The following SP100 variants were observed in gnomAD, a reference collection of about 807,000 sequenced individuals.
SP100 encodes nuclear autoantigen Sp-100.
A neutral mutation model predicts 130.0 loss-of-function variants in SP100; 84 were observed. That is an observed-to-expected ratio of 0.65 (90% confidence interval 0.54 to 0.77). SP100 has a LOEUF of 0.77. SP100 is among the 30% of genes least tolerant of loss of function. SP100 has a pLI of 0.00. For synonymous variants in SP100, 331 were observed against 351.7 expected (o/e 0.94, Z 0.66); for missense variants, 978 against 1,052.2 (o/e 0.93, Z 0.97).
intron 8 of SP100, 56 bp downstream of exon 8, chr2:230,450,311 T>TTTGGTTGG (rs878983393): frequency 7.3e-7 from 1 of 1,370,670 alleles, no homozygotes; most frequent in Non-Finnish European, 1.0e-6. Flanking sequence ...ATGCTATACA[T>TTTGGTTGG]TTGGTTGGTT....
chr2:230,476,378 C>T (rs1038700150), intron 17 of SP100, among the ~76,000 whole-genome samples: 11 of 152,160 alleles, frequency 7.2e-5, no homozygotes, highest in African/African-American at 2.2e-4. Flanking sequence ...GATTTTTATG[C>T]ATCGATTTTG....
At position 230,469,789 on chromosome 2, in the gene SP100, AAAAGAAG is replaced by A. The variant is rs767498056; in HGVS notation, c.1346-223_1346-217del. ...ATATTTTTCCCAAAGTTAAAAAAAAAAAAGAAGAAGAAACAATGTCATCCCCAGCCCC... is the reference window on the plus strand; with the variant it reads ...ATATTTTTCCCAAAGTTAAAAAAAAAAAGAAACAATGTCATCCCCAGCCCC... On this transcript the variant is annotated intron_variant, in intron 14 of 28. Coordinates refer to ENST00000340126, the MANE Select transcript of SP100 (RefSeq NM_001080391.2). The A allele has an allele frequency of 2.0e-5, 28 of 1,376,808 alleles. No individual in the cohort carries two copies. In the South Asian group the frequency reaches 3.5e-4, roughly 17 times the overall value. 85.3% of individuals were successfully genotyped at this position (1,376,808 alleles called of 1,614,324 possible).
At chr2:230,522,027 TGATG>T (rs1438528318) in intron 24 of SP100, among the ~76,000 whole-genome samples, 1 of 152,214 alleles carries the variant, frequency 6.6e-6, no homozygotes, top group African/African-American at 2.4e-5. Flanking sequence ...TGGACTTTCT[TGATG>T]GATTGTTTGT....
intron 2 of SP100, among the ~76,000 whole-genome samples, chr2:230,421,945 A>C (rs997314721): frequency 6.6e-6 from 1 of 151,838 alleles, no homozygotes. Flanking sequence ...CTTCTGCTTT[A>C]TCTCTCTCTT....
At chr2:230,527,738 G>A (rs1196859112) in intron 24 of SP100, among the ~76,000 whole-genome samples, 2 of 152,096 alleles carry the variant, frequency 1.3e-5, no homozygotes, top group Non-Finnish European at 2.9e-5. Context: ...GATCTACGAA[G>A]CAAATGGAAA....
intron 2 of SP100, among the ~76,000 whole-genome samples, chr2:230,429,182 T>A (rs2063027340): frequency 6.6e-6 from 1 of 152,192 alleles, no homozygotes; most frequent in African/African-American, 2.4e-5. Flanking sequence ...GAAAGGTTTT[T>A]ATCTCTCCTT....
chr2:230,437,922 T>C (rs969857803), intron 2 of SP100, among the ~76,000 whole-genome samples: 1 of 152,230 alleles, frequency 6.6e-6, no homozygotes, highest in Non-Finnish European at 1.5e-5. Flanking sequence ...AGAGCCTGTA[T>C]ACTTTGTCCA....
At position 230,504,435 on chromosome 2, in the gene SP100, G is replaced by A. The variant is rs2067207454; in HGVS notation, c.1870+145G>A. The A allele has an allele frequency of 1.1e-5, 6 of 566,910 alleles. No individual in the cohort carries two copies. In the South Asian group the frequency reaches 1.5e-4, roughly 14 times the overall value. 35.1% of individuals were successfully genotyped at this position (566,910 alleles called of 1,614,324 possible). A position where few individuals can be genotyped will look rare whatever the true frequency, so the allele number is the denominator to read the frequency against. On this transcript the variant is annotated intron_variant, in intron 21 of 28. Transcript: ENST00000340126. ...TGCTAGGAGCTTTCCTAGGACTTGG[G>A]ACATCATCACATTTACAGCTAGGGT... is the stretch of plus-strand genomic sequence containing the variant.
chr2:230,434,821 C>A (rs2063200921), intron 2 of SP100, among the ~76,000 whole-genome samples: 1 of 152,152 alleles, frequency 6.6e-6, no homozygotes, highest in Non-Finnish European at 1.5e-5. Context: ...GCTAGAGAAT[C>A]TCTGGTGTAG....
chr2:230,469,360 C>A, intron 14 of SP100: 1 of 514,938 alleles, frequency 1.9e-6, no homozygotes, highest in Non-Finnish European at 3.7e-6. Context: ...GGTGCCCACA[C>A]AGTCATTCAG....
At chr2:230,447,186 T>A (rs113389704) in intron 5 of SP100, among the ~76,000 whole-genome samples, 9 of 152,194 alleles carry the variant, frequency 5.9e-5, no homozygotes, top group African/African-American at 2.2e-4. Context: ...CTGTAGGGGA[T>A]CAGTGTGAAG....
chr2:230,542,152 C>T, intron 28 of SP100, 117 bp downstream of exon 28: 1 of 1,073,320 alleles, frequency 9.3e-7, no homozygotes, highest in South Asian at 1.4e-5. Context: ...ATGACAAGCC[C>T]ATACAAGTAC....
At chr2:230,500,623 A>G (rs2066966121) in intron 19 of SP100, among the ~76,000 whole-genome samples, 1 of 152,216 alleles carries the variant, frequency 6.6e-6, no homozygotes, top group East Asian at 1.9e-4. Flanking sequence ...AGCAGACAGA[A>G]CACAAGTGTC....
At chr2:230,522,076 T>A (rs1691196274) in intron 24 of SP100, among the ~76,000 whole-genome samples, 1 of 152,190 alleles carries the variant, frequency 6.6e-6, no homozygotes, top group Non-Finnish European at 1.5e-5. Context: ...GAGTGTTCAT[T>A]GCAGGTACCA....
Position 230,472,186 on chromosome 2 carries a change from T to G in SP100, c.1430-1138T>G, listed in dbSNP as rs540702985. Among the ~76,000 whole-genome samples, 7 of 152,140 alleles carry G rather than the reference T, an allele frequency of 4.6e-5. No homozygotes were observed. The South Asian group carries it at 1.5e-3, about 32-fold the overall frequency. ...ACTCATGCCTGTAATCCCAGCACTT[T>G]GGGAGGCCGAGGTGGGCGGATCACG... On this transcript the variant is annotated intron_variant, in intron 15 of 28. Transcript: ENST00000340126.
At chr2:230,468,819 A>AAAG (rs1219643719) in intron 13 of SP100, 94 of 109,210 alleles carry the variant, frequency 8.6e-4, no homozygotes, top group Middle Eastern at 8.7e-3. Context: ...CCCTGTCTCA[A>AAAG]AAAAAAAAAA....
At chr2:230,469,883 G>A (rs1337315675) in intron 14 of SP100, 132 bp from the exon 15 acceptor site, 1 of 1,509,886 alleles carries the variant, frequency 6.6e-7, no homozygotes, top group Admixed American at 2.2e-5. Flanking sequence ...AAGCCAAAGG[G>A]TGGCCTAGTG....
chr2:230,506,403 A>G lies in SP100; in HGVS notation c.1971A>G (p.Leu657=), dbSNP rs943850549. The G allele has an allele frequency of 6.2e-7, 1 of 1,613,918 alleles. No individual in the cohort carries two copies. The highest frequency in any genetic ancestry group is 8.5e-7 in the Non-Finnish European group (1 of 1,179,840). The change falls in exon 22 of 29, where the codon CTA becomes CTG. Residue 657 remains leucine, a synonymous_variant. Coordinates refer to ENST00000340126, the MANE Select transcript of SP100 (RefSeq NM_001080391.2). ...GDRGASKNWK[L]SIRCGGYTLK... is the part of the protein sequence containing the mutation. Reference sequence around the variant, plus strand: ...GCGGAGCATCCAAGAACTGGAAGCTAAGTATACGCTGCGGTGGATATACCC... The same window carrying G: ...GCGGAGCATCCAAGAACTGGAAGCTGAGTATACGCTGCGGTGGATATACCC...
intron 17 of SP100, among the ~76,000 whole-genome samples, chr2:230,492,929 G>A (rs2150042508): frequency 6.6e-6 from 1 of 152,252 alleles, no homozygotes; most frequent in Non-Finnish European, 1.5e-5. Flanking sequence ...GGAAAATTCT[G>A]TGGCCAATAA....
Sources: gnomAD v4.1 joint callset for allele counts (sites outside exome capture counted in the v4.1 genomes callset) on GRCh38, gnomAD v4.1.1 for gene constraint, MANE v1.5 for transcripts, NCBI Gene and HGNC (gene_info 2026-07-23, HGNC 2026-07-21) for gene names.